CTIF: variants seen among roughly 807,000 people sequenced by gnomAD.
The protein encoded by CTIF is cap binding complex dependent translation initiation factor, also known as CBP80/20-dependent translation initiation factor.
In CTIF, 21 loss-of-function variants were observed where a neutral mutation model predicts 66.0. That is an observed-to-expected ratio of 0.32 (90% CI 0.23 to 0.46). CTIF has a LOEUF of 0.46. Among genes scored for constraint, CTIF ranks in the 20% least tolerant of loss-of-function variants. CTIF has a pLI of 1.00. For synonymous variants in CTIF, 345 were observed against 326.4 expected (o/e 1.06, Z -0.62); for missense variants, 739 against 812.7 (o/e 0.91, Z 1.10).
rs1461578230 is a variant in CTIF, at chr18:48,738,944, T to A, written c.585-18975T>A. Among the ~76,000 whole-genome samples, 4 of 152,174 alleles carry A rather than the reference T, an allele frequency of 2.6e-5. No individual in the cohort carries two copies. The East Asian group carries it at 7.7e-4, about 29-fold the overall frequency. ...CACCTCGCTTAGGGACCTGCCCAGC[T>A]CCTTGGGCTACCTCCCATCCTGCAG... On this transcript the variant is annotated intron_variant, in intron 7 of 11. Transcript: ENST00000256413.
At chr18:48,827,416 G>C (rs2068604012) in intron 10 of CTIF, among the ~76,000 whole-genome samples, 1 of 152,150 alleles carries the variant, frequency 6.6e-6, no homozygotes, top group Non-Finnish European at 1.5e-5. Context: ...GGAGAGGGAA[G>C]GTGGGAGCCC....
At chr18:48,857,465 G>A in intron 10 of CTIF, 123 bp from the exon 11 acceptor site, 1 of 774,082 alleles carries the variant, frequency 1.3e-6, no homozygotes, top group East Asian at 2.8e-5. Flanking sequence ...CTGAACCTTG[G>A]AGATGTTTGT....
intron 3 of CTIF, among the ~76,000 whole-genome samples, chr18:48,639,350 C>T (rs982477540): frequency 6.6e-6 from 1 of 152,154 alleles, no homozygotes; most frequent in African/African-American, 2.4e-5. Flanking sequence ...AGCCAGGGAC[C>T]TGCCTTCAAG....
intron 7 of CTIF, among the ~76,000 whole-genome samples, chr18:48,714,279 C>T (rs2092258191): frequency 6.6e-6 from 1 of 152,180 alleles, no homozygotes; most frequent in Non-Finnish European, 1.5e-5. Flanking sequence ...CTGGGAGGGG[C>T]TTGCATTTCC....
intron 3 of CTIF, among the ~76,000 whole-genome samples, chr18:48,648,798 G>T (rs2091101188): frequency 6.6e-6 from 1 of 152,148 alleles, no homozygotes; most frequent in Non-Finnish European, 1.5e-5. Flanking sequence ...ATGTAGTCGT[G>T]GGACCAGTGA....
chr18:48,852,233 TAAAAAAA>T (rs10591389), intron 10 of CTIF, among the ~76,000 whole-genome samples: 1,680 of 66,550 alleles, frequency 0.025, 31 homozygotes, highest in Middle Eastern at 0.087. Flanking sequence ...GACCCTGTCT[TAAAAAAA>T]AAAAAAAAAA....
intron 9 of CTIF, among the ~76,000 whole-genome samples, chr18:48,802,464 C>A (rs1250900008): frequency 6.6e-6 from 1 of 152,208 alleles, no homozygotes; most frequent in African/African-American, 2.4e-5. Context: ...TGCATGATGA[C>A]CTTTTCAAAC....
chr18:48,716,691 C>T (rs543777923), intron 7 of CTIF, among the ~76,000 whole-genome samples: 5 of 152,122 alleles, frequency 3.3e-5, no homozygotes, highest in Admixed American at 6.5e-5. Context: ...TGATCCCGCC[C>T]GACTGTCAGC....
intron 9 of CTIF, among the ~76,000 whole-genome samples, chr18:48,813,018 CTATT>C (rs1424682236): frequency 6.7e-6 from 1 of 148,344 alleles, no homozygotes; most frequent in Non-Finnish European, 1.5e-5. Context: ...TGTTTCTAGT[CTATT>C]TATCTTTGTA....
At chr18:48,759,402 A>G (rs928332682) in intron 8 of CTIF, among the ~76,000 whole-genome samples, 5 of 152,162 alleles carry the variant, frequency 3.3e-5, no homozygotes, top group Non-Finnish European at 7.3e-5. Context: ...CAGGGTCCAC[A>G]CTCAGGCAGG....
At chr18:48,605,331 T>C (rs921565199) in intron 1 of CTIF, among the ~76,000 whole-genome samples, 1 of 152,232 alleles carries the variant, frequency 6.6e-6, no homozygotes, top group Non-Finnish European at 1.5e-5. Flanking sequence ...TCTAAGCTTC[T>C]AGGATTCTGG....
rs765994346 is a variant in CTIF, at chr18:48,761,714, C to T, written c.1371+25C>T. On this transcript the variant is annotated intron_variant, in intron 9 of 11. Transcript: ENST00000256413. The surrounding 1 kb of genome is among the most constrained non-coding windows in gnomAD (Gnocchi z 4.2). ...GGTAACTGGACGCCGGCCACCACCGCCCCGCGCCCCCTGCCCCTCTGCGTT... is the reference window on the plus strand; with the variant it reads ...GGTAACTGGACGCCGGCCACCACCGTCCCGCGCCCCCTGCCCCTCTGCGTT... The T allele has an allele frequency of 5.0e-6, 8 of 1,591,148 alleles. No individual in the cohort carries two copies. The highest frequency in any genetic ancestry group is 6.9e-6 in the Non-Finnish European group (8 of 1,165,072).
intron 7 of CTIF, among the ~76,000 whole-genome samples, chr18:48,751,556 G>T (rs552375256): frequency 1.5e-4 from 23 of 152,336 alleles, no homozygotes; most frequent in Non-Finnish European, 2.5e-4. Flanking sequence ...GAAGGAAGTG[G>T]ATGCTTTGGG....
At chr18:48,826,191 G>A (rs11082705) in intron 10 of CTIF, 71,942 of 152,130 alleles carry the variant, frequency 0.47, 17,216 homozygotes, top group East Asian at 0.61. Context: ...GTGTTTCTGT[G>A]AAGCAAGTGG....
At chr18:48,797,760 A>T (rs1423632308) in intron 9 of CTIF, among the ~76,000 whole-genome samples, 4 of 152,106 alleles carry the variant, frequency 2.6e-5, no homozygotes, top group Non-Finnish European at 5.9e-5. Flanking sequence ...TCTCCTGTAA[A>T]ACAGGAATCA....
chr18:48,547,372 C>T (rs1488420096), intron 1 of CTIF, among the ~76,000 whole-genome samples: 2 of 152,198 alleles, frequency 1.3e-5, no homozygotes, highest in Non-Finnish European at 2.9e-5. Flanking sequence ...GCAGTTGCTA[C>T]TGGTCCTCTA....
intron 7 of CTIF, among the ~76,000 whole-genome samples, chr18:48,730,038 G>T (rs979800073): frequency 3.3e-5 from 5 of 152,212 alleles, no homozygotes; most frequent in African/African-American, 1.2e-4. Context: ...TTTGTCCACA[G>T]CTGTGCTGCC....
At chr18:48,704,134 G>T (rs2092120892) in intron 6 of CTIF, among the ~76,000 whole-genome samples, 1 of 152,122 alleles carries the variant, frequency 6.6e-6, no homozygotes, top group African/African-American at 2.4e-5. Flanking sequence ...GGGTGGGAGA[G>T]AGCTCTCTGA....
chr18:48,854,920 A>G (rs531773475), intron 10 of CTIF, among the ~76,000 whole-genome samples: 153 of 152,326 alleles, frequency 1.0e-3, no homozygotes, highest in African/African-American at 3.5e-3. Context: ...ACTCATTGAC[A>G]TATTCATCAC....
Sources: allele counts gnomAD v4.1 joint callset (sites outside exome capture counted in the v4.1 genomes callset), GRCh38; gene constraint gnomAD v4.1.1; non-coding constraint Gnocchi (gnomAD v3.1); transcripts MANE v1.5; gene names NCBI Gene and HGNC (gene_info 2026-07-23, HGNC 2026-07-21).